EYS: variants seen among roughly 807,000 people sequenced by gnomAD.
The protein encoded by EYS is EGF-like photoreceptor maintenance factor.
In EYS, 250 loss-of-function variants were observed where a neutral mutation model predicts 282.1. That is an observed-to-expected ratio of 0.89 (90% CI 0.80 to 0.98). EYS has a LOEUF of 0.98. Among genes scored for constraint, EYS ranks in the 50% least tolerant of loss-of-function variants. EYS has a pLI of 0.00. For synonymous variants in EYS, 1,355 were observed against 1,282.9 expected (o/e 1.06, Z -1.20); for missense variants, 4,016 against 3,709.0 (o/e 1.08, Z -2.15).
chr6:65,037,152 C>A (rs566268988), intron 13 of EYS, among the ~76,000 whole-genome samples: 2 of 151,784 alleles, frequency 1.3e-5, no homozygotes, highest in Non-Finnish European at 2.9e-5. Context: ...AGATCATATT[C>A]TTTGTAGCAA....
At chr6:63,923,505 C>G (rs543872080) in intron 35 of EYS, among the ~76,000 whole-genome samples, 3 of 152,096 alleles carry the variant, frequency 2.0e-5, no homozygotes, top group African/African-American at 7.2e-5. Context: ...CTACTTAAGC[C>G]TTTGATACTA....
rs754511287 is a variant in EYS, at chr6:64,686,836, TAC to T, written c.3444-60593_3444-60592del. ...ATATATATATGTGTATATATATATA[TAC>T]GTGTATATATATATATGTGTATATA... On this transcript the variant is annotated intron_variant, in intron 22 of 42. Transcript: ENST00000503581. Among the ~76,000 whole-genome samples, 88 of 18,030 alleles carry T rather than the reference TAC, an allele frequency of 4.9e-3. 15 individuals carry two copies. Among genetic ancestry groups the T allele is most frequent in the African/African-American group, 0.011 (75 of 6,742 alleles). The allele number at this position is 18,030 out of a possible 152,430, so 11.8% of individuals were successfully genotyped here. A position where few individuals can be genotyped will look rare whatever the true frequency, so the allele number is the denominator to read the frequency against.
intron 12 of EYS, among the ~76,000 whole-genome samples, chr6:65,284,934 A>G (rs73741288): frequency 6.9e-6 from 1 of 144,982 alleles, no homozygotes; most frequent in African/African-American, 2.9e-5. Flanking sequence ...TAATGAAATA[A>G]AAACACTAAA....
chr6:65,373,858 C>T (rs1305271484), intron 8 of EYS, among the ~76,000 whole-genome samples: 2 of 151,580 alleles, frequency 1.3e-5, no homozygotes, highest in Non-Finnish European at 2.9e-5. Context: ...GAATTATTAC[C>T]GGTTGAAAAA....
At chr6:63,964,030 C>G (rs1428608012) in intron 35 of EYS, among the ~76,000 whole-genome samples, 1 of 152,042 alleles carries the variant, frequency 6.6e-6, no homozygotes, top group Non-Finnish European at 1.5e-5. Context: ...TTAAGAGAAA[C>G]AAAATATAAA....
intron 19 of EYS, among the ~76,000 whole-genome samples, chr6:64,850,892 G>A (rs868084583): frequency 1.3e-5 from 2 of 152,032 alleles, no homozygotes; most frequent in African/African-American, 2.4e-5. Context: ...TAATTTTATT[G>A]TAAATTTAAT....
intron 30 of EYS, among the ~76,000 whole-genome samples, chr6:64,283,272 T>C (rs1345638352): frequency 1.3e-5 from 2 of 152,300 alleles, no homozygotes; most frequent in South Asian, 2.1e-4. Flanking sequence ...CTAACTAACA[T>C]AGTTAATTAG....
chr6:64,130,899 G>A (rs375634154), intron 31 of EYS, among the ~76,000 whole-genome samples: 8 of 152,214 alleles, frequency 5.3e-5, no homozygotes, highest in East Asian at 1.9e-4. Flanking sequence ...AAGGAGTCTC[G>A]CTCTGTCTCC....
At chr6:64,106,028 T>A (rs988276133) in intron 31 of EYS, among the ~76,000 whole-genome samples, 5 of 152,130 alleles carry the variant, frequency 3.3e-5, no homozygotes, top group African/African-American at 1.2e-4. Flanking sequence ...TGTTGGTATA[T>A]TTGGTCTATT....
chr6:64,646,631 G>A (rs749481827), intron 22 of EYS, among the ~76,000 whole-genome samples: 5 of 151,792 alleles, frequency 3.3e-5, no homozygotes, highest in Non-Finnish European at 7.4e-5. Context: ...GTGAAACCCC[G>A]TCTCTACTAA....
intron 35 of EYS, among the ~76,000 whole-genome samples, chr6:63,969,297 T>C (rs1333696376): frequency 1.3e-5 from 2 of 152,228 alleles, no homozygotes; most frequent in Non-Finnish European, 2.9e-5. Flanking sequence ...GACAATTTCA[T>C]AATATAAAAT....
chr6:64,229,933 C>G (rs1039621122), intron 31 of EYS, among the ~76,000 whole-genome samples: 1 of 152,180 alleles, frequency 6.6e-6, no homozygotes, highest in Non-Finnish European at 1.5e-5. Flanking sequence ...TGTATAGACA[C>G]AATGACACTT....
intron 36 of EYS, among the ~76,000 whole-genome samples, chr6:63,861,495 G>T (rs1000562552): frequency 6.6e-6 from 1 of 152,212 alleles, no homozygotes; most frequent in South Asian, 2.1e-4. Flanking sequence ...GCCTTTCAAC[G>T]GTTTCCTAAG....
chr6:65,369,076 A>T (rs912363910), intron 8 of EYS, among the ~76,000 whole-genome samples: 1 of 150,956 alleles, frequency 6.6e-6, no homozygotes, highest in Non-Finnish European at 1.5e-5. Context: ...ATTATCACAC[A>T]AGTTCATTCT....
chr6:63,799,071 T>G (rs1770721277), intron 37 of EYS, among the ~76,000 whole-genome samples: 1 of 146,102 alleles, frequency 6.8e-6, no homozygotes, highest in Admixed American at 7.0e-5. Context: ...TGGAGTGCAA[T>G]GGCACGATCT....
intron 7 of EYS, among the ~76,000 whole-genome samples, chr6:65,395,829 C>A (rs1322791182): frequency 2.6e-5 from 4 of 151,664 alleles, no homozygotes; most frequent in Admixed American, 1.3e-4. Context: ...CTGAAATATA[C>A]AATATTATAA....
At chr6:65,525,317 C>T (rs1020491231) in intron 2 of EYS, among the ~76,000 whole-genome samples, 1 of 152,216 alleles carries the variant, frequency 6.6e-6, no homozygotes, top group Non-Finnish European at 1.5e-5. Flanking sequence ...GTTTACCAAG[C>T]ATCTCAGTGA....
intron 27 of EYS, among the ~76,000 whole-genome samples, chr6:64,438,792 G>A (rs1034569220): frequency 1.3e-5 from 2 of 151,546 alleles, no homozygotes; most frequent in African/African-American, 4.8e-5. Flanking sequence ...ACACTCTCTT[G>A]TCTTCTGAAT....
chr6:63,877,510 G>T (rs58473491), intron 35 of EYS, among the ~76,000 whole-genome samples: 17,791 of 152,126 alleles, frequency 0.12, 1,267 homozygotes, highest in African/African-American at 0.19. Flanking sequence ...GAATTTGACT[G>T]TTGGGCTGCC....
Sources: gnomAD v4.1 joint callset for allele counts (sites outside exome capture counted in the v4.1 genomes callset) on GRCh38, gnomAD v4.1.1 for gene constraint, MANE v1.5 for transcripts, NCBI Gene and HGNC (gene_info 2026-07-23, HGNC 2026-07-21) for gene names.